STAU2: variants seen among roughly 807,000 people sequenced by gnomAD.
STAU2 encodes staufen double-stranded RNA binding protein 2, also known as double-stranded RNA-binding protein Staufen homolog 2.
Under a neutral mutation model 65.9 loss-of-function variants are expected in STAU2, and 20 were observed. The ratio of observed to expected loss-of-function variants is 0.30; its 90% CI spans 0.21 to 0.44. STAU2 has a LOEUF of 0.44. Among genes scored for constraint, STAU2 ranks in the 20% least tolerant of loss-of-function variants. STAU2 has a pLI of 1.00. For missense variants in STAU2, 558 were observed against 683.9 expected (o/e 0.82, Z 2.05); for synonymous variants, 232 against 233.9 (o/e 0.99, Z 0.07).
chr8:73,447,424 A>T (rs1333455713), intron 13 of STAU2, among the ~76,000 whole-genome samples: 1 of 152,222 alleles, frequency 6.6e-6, no homozygotes, highest in African/African-American at 2.4e-5. Flanking sequence ...GCATTGCATC[A>T]TATGGCTGTG....
intron 13 of STAU2, chr8:73,439,226 G>A: frequency 2.8e-6 from 1 of 353,800 alleles, no homozygotes; most frequent in African/African-American, 2.1e-5. Context: ...CCGTGAGCTG[G>A]CAGGAGCTGC....
intron 13 of STAU2, among the ~76,000 whole-genome samples, chr8:73,444,242 A>G (rs1048526116): frequency 5.3e-5 from 8 of 152,110 alleles, no homozygotes; most frequent in Non-Finnish European, 1.0e-4. Flanking sequence ...CCCCGTCTCT[A>G]TTAAAAATAC....
chr8:73,635,701 T>G (rs1341973263), intron 6 of STAU2, among the ~76,000 whole-genome samples: 1 of 151,896 alleles, frequency 6.6e-6, no homozygotes, highest in African/African-American at 2.4e-5. Context: ...GGCAGGCAAC[T>G]GTAATCCCAG....
At chr8:73,570,559 A>G (rs1389189302) in intron 12 of STAU2, among the ~76,000 whole-genome samples, 1 of 152,246 alleles carries the variant, frequency 6.6e-6, no homozygotes, top group Non-Finnish European at 1.5e-5. Flanking sequence ...TCCCCAACCT[A>G]GCAAGGCAGG....
chr8:73,717,094 T>C (rs903923131), intron 3 of STAU2, among the ~76,000 whole-genome samples: 5 of 151,958 alleles, frequency 3.3e-5, no homozygotes, highest in Admixed American at 6.6e-5. Context: ...AGAGCAAGAC[T>C]CTGTCTCCAA....
intron 13 of STAU2, among the ~76,000 whole-genome samples, chr8:73,510,422 A>C (rs1822324816): frequency 6.6e-6 from 1 of 152,238 alleles, no homozygotes; most frequent in South Asian, 2.1e-4. Flanking sequence ...ACAAATAGTC[A>C]AATTTGTACA....
At chr8:73,708,125 A>C (rs752395990) in intron 4 of STAU2, among the ~76,000 whole-genome samples, 30 of 152,242 alleles carry the variant, frequency 2.0e-4, no homozygotes, top group Non-Finnish European at 3.7e-4. Flanking sequence ...TGAACAAATT[A>C]AATTGTTGCC....
chr8:73,658,086 G>A (rs574782611), intron 6 of STAU2, among the ~76,000 whole-genome samples: 1 of 152,002 alleles, frequency 6.6e-6, no homozygotes, highest in South Asian at 2.1e-4. Flanking sequence ...TTGGGGGACT[G>A]GGCACGGTGG....
chr8:73,471,217 G>A (rs1188909022), intron 13 of STAU2, among the ~76,000 whole-genome samples: 1 of 140,766 alleles, frequency 7.1e-6, no homozygotes, highest in East Asian at 2.1e-4. Context: ...CTGTTGCCCA[G>A]GCTGCAGTGC....
intron 4 of STAU2, among the ~76,000 whole-genome samples, chr8:73,707,422 CAG>C (rs1411091237): frequency 6.6e-6 from 1 of 151,888 alleles, no homozygotes; most frequent in African/African-American, 2.4e-5. Flanking sequence ...GGCTGAAGGA[CAG>C]TAGAGAACAA....
At chr8:73,625,112 G>C (rs993391387) in intron 6 of STAU2, among the ~76,000 whole-genome samples, 3 of 152,044 alleles carry the variant, frequency 2.0e-5, no homozygotes, top group African/African-American at 7.2e-5. Context: ...ATACATTCTG[G>C]TGGGAATGTA....
chr8:73,671,407 C>CA (rs1302379599), intron 6 of STAU2, among the ~76,000 whole-genome samples: 77 of 148,934 alleles, frequency 5.2e-4, no homozygotes, highest in South Asian at 3.4e-3. Context: ...CAAAAAAAAA[C>CA]AAAAAAAACA....
chr8:73,470,595 C>A (rs373050166), intron 13 of STAU2, among the ~76,000 whole-genome samples: 1 of 152,028 alleles, frequency 6.6e-6, no homozygotes, highest in African/African-American at 2.4e-5. Context: ...GCCAGGAGTT[C>A]AAGACCAGCC....
chr8:73,524,437 G>T (rs1291414190), intron 13 of STAU2, among the ~76,000 whole-genome samples: 1 of 152,134 alleles, frequency 6.6e-6, no homozygotes, highest in African/African-American at 2.4e-5. Context: ...TGATCATTTT[G>T]CATATCCGTA....
intron 13 of STAU2, among the ~76,000 whole-genome samples, chr8:73,506,717 C>T (rs888364992): frequency 6.6e-6 from 1 of 152,090 alleles, no homozygotes; most frequent in African/African-American, 2.4e-5. Context: ...CTCTTCCTTT[C>T]ACAAAAAATT....
intron 6 of STAU2, among the ~76,000 whole-genome samples, chr8:73,620,256 A>T (rs184906011): frequency 8.0e-4 from 122 of 152,340 alleles, no homozygotes; most frequent in African/African-American, 2.5e-3. Context: ...GACAACTTGA[A>T]ATCAGAAATT....
intron 13 of STAU2, among the ~76,000 whole-genome samples, chr8:73,512,259 G>A (rs928730617): frequency 9.2e-5 from 14 of 152,068 alleles, no homozygotes; most frequent in African/African-American, 3.4e-4. Flanking sequence ...CACATTTTAA[G>A]ATCAGCTTGT....
chr8:73,653,733 G>A, intron 6 of STAU2: 1 of 190,620 alleles, frequency 5.2e-6, no homozygotes, highest in South Asian at 8.8e-5. Flanking sequence ...GCCCAGGAAA[G>A]CCTGATGTTC....
intron 13 of STAU2, among the ~76,000 whole-genome samples, chr8:73,464,236 C>A (rs1433529325): frequency 6.6e-6 from 1 of 152,082 alleles, no homozygotes; most frequent in Non-Finnish European, 1.5e-5. Flanking sequence ...TGAGAGGCTA[C>A]CCAATCTTCT....
Sources: allele counts gnomAD v4.1 joint callset (sites outside exome capture counted in the v4.1 genomes callset), GRCh38; gene constraint gnomAD v4.1.1; transcripts MANE v1.5; gene names NCBI Gene and HGNC (gene_info 2026-07-23, HGNC 2026-07-21).